Variants in AGBL4 observed in about 807,000 individuals in gnomAD.
AGBL4 encodes AGBL carboxypeptidase 4.
In AGBL4, 58 loss-of-function variants were observed where a neutral mutation model predicts 66.4. The observed-to-expected ratio is 0.87, with a 90% CI of 0.71 to 1.09. The LOEUF (loss-of-function observed/expected upper bound fraction) is 1.09, where lower values mean the gene tolerates loss of function less well. Ranked by LOEUF, AGBL4 falls within the 50% of genes least tolerant of loss-of-function variation. The pLI is 0.00. For missense variants in AGBL4, 579 were observed against 631.0 expected, an observed-to-expected ratio of 0.92 and a Z score of 0.88; for synonymous variants, 234 against 222.9, an observed-to-expected ratio of 1.05 and a Z score of -0.44.
chr1:49,957,253 A>T (rs868487320), intron 1 of AGBL4, among the ~76,000 whole-genome samples: 4 of 152,052 alleles, frequency 2.6e-5, no homozygotes, highest in African/African-American at 9.7e-5. Context: ...GATCTTTTAC[A>T]TTTGCTAGGA....
At chr1:48,951,860 T>C (rs1018250014) in intron 5 of AGBL4, among the ~76,000 whole-genome samples, 5 of 152,198 alleles carry the variant, frequency 3.3e-5, no homozygotes, top group African/African-American at 1.2e-4. Flanking sequence ...ACAGGAAGTG[T>C]TGAGGAGAAA....
At chr1:49,578,807 G>A (rs190285288) in intron 3 of AGBL4, among the ~76,000 whole-genome samples, 1 of 152,296 alleles carries the variant, frequency 6.6e-6, no homozygotes, top group Admixed American at 6.5e-5. Flanking sequence ...GAGCGTATGG[G>A]TTGAAGTTGA....
chr1:49,897,672 C>A (rs971239430), intron 1 of AGBL4, among the ~76,000 whole-genome samples: 4 of 151,982 alleles, frequency 2.6e-5, no homozygotes, highest in Non-Finnish European at 5.9e-5. Context: ...AAGAACAAAA[C>A]TGGAGGAATC....
chr1:49,493,536 C>A (rs1457378925), intron 3 of AGBL4, among the ~76,000 whole-genome samples: 3 of 151,916 alleles, frequency 2.0e-5, no homozygotes, highest in Admixed American at 6.6e-5. Context: ...AGTGAGAAAG[C>A]TTTTCAGGTA....
chr1:49,740,314 T>C (rs1293226446), intron 2 of AGBL4, among the ~76,000 whole-genome samples: 1 of 152,114 alleles, frequency 6.6e-6, no homozygotes, highest in African/African-American at 2.4e-5. Flanking sequence ...GGCCAGTACA[T>C]AATGGAAAAG....
chr1:49,876,041 T>C (rs1340905980), intron 1 of AGBL4, among the ~76,000 whole-genome samples: 26 of 147,100 alleles, frequency 1.8e-4, no homozygotes, highest in Admixed American at 3.4e-4. Context: ...GAGTTCATTG[T>C]AGATTCTGGA....
At chr1:48,864,432 A>G (rs1166383862) in intron 6 of AGBL4, among the ~76,000 whole-genome samples, 1 of 152,208 alleles carries the variant, frequency 6.6e-6, no homozygotes, top group Non-Finnish European at 1.5e-5. Context: ...TTCCCTAGAG[A>G]AATTCTCATA....
At chr1:49,366,917 G>A (rs1200722578) in intron 3 of AGBL4, among the ~76,000 whole-genome samples, 1 of 152,172 alleles carries the variant, frequency 6.6e-6, no homozygotes, top group Non-Finnish European at 1.5e-5. Context: ...CTAGAGGCAG[G>A]AGGCTCTGAG....
rs1557608686 is a variant in AGBL4 at position 49,948,166 on chromosome 1, A to ATAAATATATG, written c.34+75596_34+75597insCATATATTTA. ...AATATATATAAATATACGTAAATAT[A>ATAAATATATG]TAAATATATATAACTATATATAAAT... On this transcript the variant is annotated intron_variant, in intron 1 of 13. Transcript: ENST00000371839. 2.6e-3 allele frequency among the ~76,000 whole-genome samples: 269 copies of ATAAATATATG among 101,930 alleles called. 2 individuals carry two copies. Among genetic ancestry groups the ATAAATATATG allele is most frequent in the Middle Eastern group, 8.9e-3 (1 of 112 alleles). The allele number at this position is 101,930 out of a possible 152,430, so 66.9% of individuals were successfully genotyped here.
intron 6 of AGBL4, among the ~76,000 whole-genome samples, chr1:48,826,258 G>A (rs1646424870): frequency 6.6e-6 from 1 of 152,110 alleles, no homozygotes; most frequent in African/African-American, 2.4e-5. Context: ...GTAAAATGGG[G>A]CTGATGATAA....
chr1:48,601,022 G>A (rs1435939353), intron 9 of AGBL4, among the ~76,000 whole-genome samples: 1 of 152,108 alleles, frequency 6.6e-6, no homozygotes. Flanking sequence ...AGGAGGTTTG[G>A]GTTTATAATA....
intron 1 of AGBL4, 147 bp from the exon 2 acceptor site, chr1:49,851,665 A>G: frequency 2.7e-6 from 2 of 743,938 alleles, no homozygotes; most frequent in East Asian, 3.0e-5. Context: ...CAGTGAAAAA[A>G]GGCTACATTT....
chr1:49,846,069 C>G, intron 2 of AGBL4: 2 of 1,578,178 alleles, frequency 1.3e-6, no homozygotes, highest in Non-Finnish European at 1.7e-6. Context: ...AGGATCCACA[C>G]AGGAGAGAAA....
intron 6 of AGBL4, among the ~76,000 whole-genome samples, chr1:48,748,705 A>G (rs926070353): frequency 5.3e-5 from 8 of 152,010 alleles, no homozygotes; most frequent in African/African-American, 1.9e-4. Context: ...ATCTGCATGA[A>G]TTTGGGGAGG....
intron 11 of AGBL4, among the ~76,000 whole-genome samples, chr1:48,544,707 C>A (rs775720887): frequency 2.0e-5 from 3 of 152,142 alleles, no homozygotes; most frequent in Non-Finnish European, 4.4e-5. Flanking sequence ...TGTGAGCAGT[C>A]TGACTGCCCT....
intron 3 of AGBL4, among the ~76,000 whole-genome samples, chr1:49,530,273 C>CAAAAAACAAAAAAA (rs1651010862): frequency 8.9e-6 from 1 of 111,928 alleles, no homozygotes; most frequent in African/African-American, 3.6e-5. Flanking sequence ...AAAAAAAAAA[C>CAAAAAACAAAAAAA]AAAAAAAAAC....
chr1:49,757,078 T>A (rs1651942030), intron 2 of AGBL4, among the ~76,000 whole-genome samples: 1 of 152,086 alleles, frequency 6.6e-6, no homozygotes, highest in African/African-American at 2.4e-5. Flanking sequence ...ATGGGGGCAG[T>A]TCCCTCATGC....
At chr1:48,588,740 C>A (rs76083791) in intron 10 of AGBL4, among the ~76,000 whole-genome samples, 45 of 149,144 alleles carry the variant, frequency 3.0e-4, no homozygotes, top group Non-Finnish European at 5.0e-4. Flanking sequence ...TCTGAAAGAC[C>A]TTTGAAATCC....
intron 3 of AGBL4, among the ~76,000 whole-genome samples, chr1:49,346,698 A>G (rs1291580095): frequency 6.6e-6 from 1 of 152,194 alleles, no homozygotes; most frequent in African/African-American, 2.4e-5. Flanking sequence ...CCCTAACATT[A>G]GGTAGGAATA....
Sources: gnomAD v4.1 joint callset for allele counts (sites outside exome capture counted in the v4.1 genomes callset) on GRCh38, gnomAD v4.1.1 for gene constraint, MANE v1.5 for transcripts, NCBI Gene and HGNC (gene_info 2026-07-23, HGNC 2026-07-21) for gene names.